The following PDE11A variants were observed in gnomAD, a reference collection of about 807,000 sequenced individuals.
The protein encoded by PDE11A is dual 3',5'-cyclic-AMP and -GMP phosphodiesterase 11A.
In PDE11A, 100 loss-of-function variants were observed where a neutral mutation model predicts 100.5. The observed-to-expected ratio is 1.00, with a 90% CI of 0.85 to 1.18. The LOEUF (loss-of-function observed/expected upper bound fraction) is 1.18, where lower values mean the gene tolerates loss of function less well. Ranked by LOEUF, PDE11A falls within the 50% of genes most tolerant of loss-of-function variation. The pLI is 0.00. For missense variants in PDE11A, 1,141 were observed against 1,152.6 expected (o/e 0.99, Z 0.15); for synonymous variants, 381 against 420.8 (o/e 0.91, Z 1.16).
chr2:177,650,643 C>A (rs1425296729), intron 19 of PDE11A, among the ~76,000 whole-genome samples: 1 of 152,084 alleles, frequency 6.6e-6, no homozygotes, highest in Non-Finnish European at 1.5e-5. Context: ...AATTTTTTTC[C>A]TTAGAATAGT....
intron 2 of PDE11A, among the ~76,000 whole-genome samples, chr2:177,920,901 A>C (rs889597648): frequency 1.9e-4 from 29 of 151,988 alleles, no homozygotes; most frequent in Non-Finnish European, 3.8e-4. Flanking sequence ...TCTCTACTAA[A>C]AATACAAAAA....
chr2:178,046,964 T>G (rs1470505271), intron 1 of PDE11A, among the ~76,000 whole-genome samples: 2 of 152,146 alleles, frequency 1.3e-5, no homozygotes, highest in African/African-American at 4.8e-5. Flanking sequence ...ACTATTCCTA[T>G]GTCTAGGGCC....
At chr2:177,840,227 TG>T in intron 6 of PDE11A, 23 bp downstream of exon 6, 1 of 1,613,484 alleles carries the variant, frequency 6.2e-7, no homozygotes. Flanking sequence ...AACTTAGGAT[TG>T]CAACCAGAGG....
At chr2:178,078,904 C>G (rs890543882) in intron 2 of PDE11A, among the ~76,000 whole-genome samples, 1 of 152,070 alleles carries the variant, frequency 6.6e-6, no homozygotes, top group Non-Finnish European at 1.5e-5. Context: ...GGAACATGTA[C>G]AGTATAGCTA....
intron 10 of PDE11A, among the ~76,000 whole-genome samples, chr2:177,752,278 G>A (rs1186641018): frequency 6.6e-6 from 1 of 152,194 alleles, no homozygotes; most frequent in East Asian, 1.9e-4. Flanking sequence ...GGCCTGTCCT[G>A]CTCCCTGGGT....
chr2:177,956,387 A>C (rs1056311419), intron 2 of PDE11A, among the ~76,000 whole-genome samples: 3 of 152,218 alleles, frequency 2.0e-5, no homozygotes, highest in African/African-American at 2.4e-5. Context: ...TTAGAATGGC[A>C]ATCATTAAAA....
chr2:177,961,495 TATTCAC>T (rs1212091586), intron 2 of PDE11A, among the ~76,000 whole-genome samples: 4 of 152,210 alleles, frequency 2.6e-5, no homozygotes, highest in Non-Finnish European at 4.4e-5. Context: ...TTTTTTCCCA[TATTCAC>T]ATACTACCTG....
chr2:177,664,898 C>A (rs2080545227), intron 18 of PDE11A, among the ~76,000 whole-genome samples: 1 of 152,052 alleles, frequency 6.6e-6, no homozygotes, highest in Non-Finnish European at 1.5e-5. Flanking sequence ...GAGGGTGGAG[C>A]CAAGCAATCC....
intron 4 of PDE11A, among the ~76,000 whole-genome samples, chr2:177,880,706 A>C (rs550891559): frequency 1.3e-5 from 2 of 152,296 alleles, no homozygotes; most frequent in African/African-American, 4.8e-5. Context: ...TTACACTTAT[A>C]TCATAATTCT....
intron 1 of PDE11A, among the ~76,000 whole-genome samples, chr2:178,051,430 A>C (rs1202057515): frequency 1.3e-5 from 2 of 152,240 alleles, no homozygotes; most frequent in African/African-American, 4.8e-5. Context: ...CATCGATGCT[A>C]GGAAGAAACT....
intron 1 of PDE11A, among the ~76,000 whole-genome samples, chr2:178,030,461 T>A (rs1381944457): frequency 6.6e-6 from 1 of 152,098 alleles, no homozygotes; most frequent in East Asian, 1.9e-4. Context: ...ATACCAAACA[T>A]CATGGCATTG....
At chr2:177,668,951 G>A (rs77963001) in intron 18 of PDE11A, among the ~76,000 whole-genome samples, 4 of 152,246 alleles carry the variant, frequency 2.6e-5, no homozygotes, top group South Asian at 4.1e-4. Flanking sequence ...CATCTTGAGC[G>A]TAAAGTAAAC....
rs79384192 is a variant in PDE11A, at chr2:177,663,936, C to T, written c.2576G>A (p.Arg859Gln). Reference protein sequence around the residue: ...LKLTPSAIFDRNRKDELPRLQ... With the variant: ...LKLTPSAIFDQNRKDELPRLQ... Reference sequence around the variant, plus strand: ...CCGAGGCAGTTCATCCTTCCGGTTCCGATCAAAAATTGCCTAGAATGGGGG... The same window carrying T: ...CCGAGGCAGTTCATCCTTCCGGTTCTGATCAAAAATTGCCTAGAATGGGGG... The change falls in exon 19 of 20, where the codon CGG becomes CAG. Residue 859 changes from arginine (R) to glutamine (Q), a missense_variant. Arg to Gln is a conservative substitution (Grantham distance 43). Transcript: ENST00000286063. The T allele has an allele frequency of 1.5e-5, 24 of 1,609,808 alleles. No homozygotes were observed. The highest frequency in any genetic ancestry group is 6.7e-5 in the Admixed American group (4 of 59,984).
intron 6 of PDE11A, among the ~76,000 whole-genome samples, chr2:177,839,170 C>T (rs950150441): frequency 1.3e-5 from 2 of 152,162 alleles, no homozygotes; most frequent in Non-Finnish European, 2.9e-5. Context: ...AGCCTCCCTG[C>T]CATCACCATG....
rs1483779517 is a variant in PDE11A, at chr2:177,706,148, G to C, written c.2154-4937C>G. On this transcript the variant is annotated intron_variant, in intron 13 of 19. Coordinates refer to ENST00000286063, the MANE Select transcript of PDE11A (RefSeq NM_016953.4). ...AAGGATCACTTGTCAGAAAGGCTAA[G>C]AGAATAAATCAAATTGTGCTCTAAC... is the stretch of plus-strand genomic sequence containing the variant. Among the ~76,000 whole-genome samples the C allele has an allele frequency of 2.6e-5, 4 of 152,192 alleles. No homozygotes were observed. The East Asian group carries it at 7.7e-4, about 29-fold the overall frequency.
At chr2:177,950,067 AC>A (rs746765535) in intron 2 of PDE11A, among the ~76,000 whole-genome samples, 1 of 152,252 alleles carries the variant, frequency 6.6e-6, no homozygotes, top group Non-Finnish European at 1.5e-5. Flanking sequence ...ATTCAAACTT[AC>A]AATAATGTTG....
At chr2:177,858,416 A>C (rs1015069058) in intron 5 of PDE11A, among the ~76,000 whole-genome samples, 17 of 151,620 alleles carry the variant, frequency 1.1e-4, no homozygotes, top group South Asian at 4.2e-4. Flanking sequence ...AAAAAAAACC[A>C]CATCAAAAAG....
intron 2 of PDE11A, among the ~76,000 whole-genome samples, chr2:178,088,721 G>A (rs2087387296): frequency 6.6e-6 from 1 of 151,966 alleles, no homozygotes; most frequent in Non-Finnish European, 1.5e-5. Flanking sequence ...TATTTTTGTG[G>A]GTATGCTATC....
intron 10 of PDE11A, among the ~76,000 whole-genome samples, chr2:177,743,695 GA>G (rs1392049312): frequency 6.6e-6 from 1 of 152,214 alleles, no homozygotes; most frequent in Non-Finnish European, 1.5e-5. Flanking sequence ...AAGGCTTAGA[GA>G]GTTAACTAAC....
Sources: gnomAD v4.1 joint callset for allele counts (sites outside exome capture counted in the v4.1 genomes callset) on GRCh38, gnomAD v4.1.1 for gene constraint, MANE v1.5 for transcripts, NCBI Gene and HGNC (gene_info 2026-07-23, HGNC 2026-07-21) for gene names.